Variants in VPS4A observed in about 807,000 individuals in gnomAD.
The protein encoded by VPS4A is vacuolar protein sorting 4 homolog A.
VPS4A carries 20 observed loss-of-function variants against 52.3 expected under a neutral mutation model. The ratio of observed to expected loss-of-function variants is 0.38; its 90% CI spans 0.27 to 0.56. The LOEUF (loss-of-function observed/expected upper bound fraction) is 0.56. VPS4A is among the 20% of genes least tolerant of loss of function. VPS4A has a pLI of 0.72. For synonymous variants in VPS4A, 293 were observed against 227.7 expected (o/e 1.29, Z -2.58); for missense variants, 419 against 575.9 (o/e 0.73, Z 2.79).
chr16:69,324,682 G>A lies in VPS4A; in HGVS notation c.*373G>A, dbSNP rs1965562245. 1 of 214,310 alleles carries A rather than the reference G, an allele frequency of 4.7e-6. No homozygotes were observed. The highest frequency in any genetic ancestry group is 9.8e-6 in the Non-Finnish European group (1 of 102,430). 13.3% of individuals were successfully genotyped at this position (214,310 alleles called of 1,614,324 possible). A position where few individuals can be genotyped will look rare whatever the true frequency, so the allele number is the denominator to read the frequency against. ...CAAGGAGTGGGGCGGGGTGGCGGGG[G>A]AGAAGCAGCCGTGCTGCCAGGTCAC... is the stretch of plus-strand genomic sequence containing the variant. On this transcript the variant is annotated 3_prime_UTR_variant, in exon 11 of 11. Transcript: ENST00000254950.
chr16:69,323,787 T>TA (rs1965544482), intron 10 of VPS4A: 2 of 386,894 alleles, frequency 5.2e-6, no homozygotes, highest in South Asian at 1.9e-5. Flanking sequence ...CCGTCTCTGC[T>TA]AAAAATACAA....
intron 1 of VPS4A, among the ~76,000 whole-genome samples, chr16:69,312,611 TTTTA>T (rs771697311): frequency 6.6e-4 from 101 of 152,248 alleles, no homozygotes; most frequent in East Asian, 5.8e-3. Flanking sequence ...TATTTTTAAA[TTTTA>T]TTTATTTATT....
chr16:69,323,944 CAAAAAAAAA>C (rs373024058), intron 10 of VPS4A, among the ~76,000 whole-genome samples: 6 of 99,526 alleles, frequency 6.0e-5, no homozygotes, highest in East Asian at 7.8e-4. Context: ...ACTCCGTCTC[CAAAAAAAAA>C]AAAAAAAAAA....
Position 69,324,356 on chromosome 16 carries a change from C to T in VPS4A, c.*47C>T, listed in dbSNP as rs1203910904. 1.3e-6 allele frequency: 2 copies of T among 1,568,646 alleles called. No homozygotes were observed. Among genetic ancestry groups the T allele is most frequent in the Non-Finnish European group, 1.7e-6 (2 of 1,145,942 alleles). ...GGTGAAGGTGGGAGGTTGATTGGGG[C>T]AAATCCAGGCACTCCCCATGTCAAC... On this transcript the variant is annotated 3_prime_UTR_variant, in exon 11 of 11. Transcript: ENST00000254950.
At chr16:69,323,485 A>G (rs1203185851) in intron 10 of VPS4A, 2 of 348,720 alleles carry the variant, frequency 5.7e-6, no homozygotes, top group African/African-American at 4.3e-5. Flanking sequence ...AAGTAAAGTC[A>G]GGTCCAGATA....
Position 69,320,885 on chromosome 16 carries a change from CTGCCTGCCAAGCAGAGCCCTT to C in VPS4A, c.851+119_851+139del. On this transcript the variant is annotated intron_variant, in intron 8 of 10. Coordinates refer to ENST00000254950, the MANE Select transcript of VPS4A (RefSeq NM_013245.3). The surrounding 1 kb of genome is among the most constrained non-coding windows in gnomAD (Gnocchi z 4.2). Reference sequence around the variant, plus strand: ...CCCCTTTTCCCTGGAGTCTTCCCGTCTGCCTGCCAAGCAGAGCCCTTTGTGAGGCTGGCTTGTTGAGGATGT... The same window carrying C: ...CCCCTTTTCCCTGGAGTCTTCCCGTCTGTGAGGCTGGCTTGTTGAGGATGT... The C allele has an allele frequency of 7.9e-7, 1 of 1,269,700 alleles. No individual in the cohort carries two copies. The allele number at this position is 1,269,700 out of a possible 1,614,324, so 78.7% of individuals were successfully genotyped here.
At chr16:69,319,077 T>C in intron 5 of VPS4A, 135 bp downstream of exon 5, 1 of 1,307,222 alleles carries the variant, frequency 7.6e-7, no homozygotes, top group Non-Finnish European at 1.0e-6. Flanking sequence ...TGCTCGCTGG[T>C]GTCCACAACA....
intron 3 of VPS4A, among the ~76,000 whole-genome samples, chr16:69,318,007 C>CTT (rs71148992): frequency 2.4e-5 from 3 of 125,950 alleles, no homozygotes; most frequent in South Asian, 4.9e-4. Context: ...GTTTGACTGG[C>CTT]TTTTTTTTTT....
rs936329303 is a variant in VPS4A at position 69,321,760 on chromosome 16, G to A, written c.1071+490G>A. The A allele has an allele frequency of 5.4e-6, 1 of 184,870 alleles. No individual in the cohort carries two copies. The highest frequency in any genetic ancestry group is 2.4e-5 in the African/African-American group (1 of 42,264). The allele number at this position is 184,870 out of a possible 1,614,324, so 11.5% of individuals were successfully genotyped here. On this transcript the variant is annotated intron_variant, in intron 9 of 10. Coordinates refer to ENST00000254950, the MANE Select transcript of VPS4A (RefSeq NM_013245.3). This position sits in a 1 kb window ranked among gnomAD's most constrained non-coding sequence, Gnocchi z 4.5. ...TGTTGGTGGGGAGACAGTCAACACA[G>A]TCAGTGAGTGTCTCAGAGGATGGAG...
chr16:69,324,751 T>G lies in VPS4A; in HGVS notation c.*442T>G, dbSNP rs1965564003. On this transcript the variant is annotated 3_prime_UTR_variant, in exon 11 of 11. Coordinates refer to ENST00000254950, the MANE Select transcript of VPS4A (RefSeq NM_013245.3). ...GGCTAGCCCCACTGCCCGTTCCTTT[T>G]ACGCCCAAGTTTTGCTCCTTGAGAG... 1 of 189,786 alleles carries G rather than the reference T, an allele frequency of 5.3e-6. No homozygotes were observed. The highest frequency in any genetic ancestry group is 2.3e-5 in the African/African-American group (1 of 43,388). The allele number at this position is 189,786 out of a possible 1,614,324, so 11.8% of individuals were successfully genotyped here. A position where few individuals can be genotyped will look rare whatever the true frequency, so the allele number is the denominator to read the frequency against.
chr16:69,318,595 A>G (rs1597212826), intron 3 of VPS4A, 55 bp from the exon 4 acceptor site: 1 of 1,561,000 alleles, frequency 6.4e-7, no homozygotes, highest in Non-Finnish European at 8.7e-7. Context: ...TGCTGGGAGC[A>G]CCTCTGTGCT....
In VPS4A at chr16:69,318,194, A is replaced by G. The variant is rs552459409; in HGVS notation, c.282-456A>G. ...CTCGCTGTTTCCCAGGCTGGTCTCA[A>G]ACTCCTGGGCTCAAGCGATCCTCCC... On this transcript the variant is annotated intron_variant, in intron 3 of 10. Transcript: ENST00000254950. Among the ~76,000 whole-genome samples, 197 of 152,164 alleles carry G rather than the reference A, an allele frequency of 1.3e-3. 1 individual carries two copies. Among genetic ancestry groups the G allele is most frequent in the Admixed American group, 3.1e-3 (48 of 15,288 alleles).
chr16:69,313,718 T>TA (rs1278991207), intron 1 of VPS4A, among the ~76,000 whole-genome samples: 1 of 152,314 alleles, frequency 6.6e-6, no homozygotes, highest in East Asian at 1.9e-4. Flanking sequence ...GCCATCAAGG[T>TA]AGAGTTGAGT....
chr16:69,318,852 C>G lies in VPS4A; in HGVS notation c.373C>G (p.Arg125Gly). The G allele has an allele frequency of 6.2e-7, 1 of 1,613,560 alleles. No individual in the cohort carries two copies. Among genetic ancestry groups the G allele is most frequent in the Non-Finnish European group, 8.5e-7 (1 of 1,179,738 alleles). Reference sequence around the variant, plus strand: ...CGTCGTGATGGAGAAGCCCAACATACGGTGGAACGACGTGGCCGGGCTGGA... The same window carrying G: ...CGTCGTGATGGAGAAGCCCAACATAGGGTGGAACGACGTGGCCGGGCTGGA... ...GAVVMEKPNI[R>G]WNDVAGLEGA... The change falls in exon 5 of 11, where the codon CGG becomes GGG. Residue 125 changes from arginine to glycine, a missense_variant. Around this residue, in one of 3 missense-constraint regions of VPS4A, gnomAD observed 131 missense variants for 165.4 expected, o/e 0.79. Transcript: ENST00000254950.
chr16:69,321,473 G>GA lies in VPS4A; in HGVS notation c.1071+203_1071+204insA. The GA allele has an allele frequency of 1.6e-6, 1 of 622,746 alleles. No homozygotes were observed. The highest frequency in any genetic ancestry group is 2.0e-5 in the South Asian group (1 of 50,802). 38.6% of individuals were successfully genotyped at this position (622,746 alleles called of 1,614,324 possible). On this transcript the variant is annotated intron_variant, in intron 9 of 10. Transcript: ENST00000254950. This position sits in a 1 kb window ranked among gnomAD's most constrained non-coding sequence, Gnocchi z 4.5. ...CTCTTCTGGAGTGTGGCCATCTCAGGGTGTGTGAAAGCAGAGGACAGGGCC... is the reference window on the plus strand; with the variant it reads ...CTCTTCTGGAGTGTGGCCATCTCAGGAGTGTGTGAAAGCAGAGGACAGGGCC...
chr16:69,320,993 TC>T lies in VPS4A; in HGVS notation c.852-56del. The T allele has an allele frequency of 6.6e-7, 1 of 1,510,040 alleles. No individual in the cohort carries two copies. The highest frequency in any genetic ancestry group is 9.0e-7 in the Non-Finnish European group (1 of 1,110,374). 93.5% of individuals were successfully genotyped at this position (1,510,040 alleles called of 1,614,324 possible). On this transcript the variant is annotated intron_variant, in intron 8 of 10. Transcript: ENST00000254950. The surrounding 1 kb of genome is among the most constrained non-coding windows in gnomAD (Gnocchi z 4.2). ...TCACTCAAATCTTCGTGCCTCCCCT[TC>T]CGTGAATACCATTCCATCATCCGCT...
chr16:69,326,320 C>CAA lies in VPS4A; in HGVS notation c.*2012_*2013dup, dbSNP rs1006548117. ...GCTCCAGTGCTGGCAGGTTACCCCT[C>CAA]AACCATAGCAGCTGGGATCTTTGTG... is the stretch of plus-strand genomic sequence containing the variant. On this transcript the variant is annotated 3_prime_UTR_variant, in exon 11 of 11. Coordinates refer to ENST00000254950, the MANE Select transcript of VPS4A (RefSeq NM_013245.3). The CAA allele has an allele frequency of 2.9e-4, 44 of 152,352 alleles. No individual in the cohort carries two copies. The highest frequency in any genetic ancestry group is 9.9e-4 in the African/African-American group (41 of 41,582). 9.4% of individuals were successfully genotyped at this position (152,352 alleles called of 1,614,324 possible).
At position 69,319,348 on chromosome 16, in the gene VPS4A, CCA is replaced by C. The variant is rs746266058; in HGVS notation, c.464-38_464-37del. 4 of 1,609,194 alleles carry C rather than the reference CCA, an allele frequency of 2.5e-6. No individual in the cohort carries two copies. The East Asian group carries it at 6.7e-5, about 27-fold the overall frequency. On this transcript the variant is annotated intron_variant, in intron 5 of 10. Coordinates refer to ENST00000254950, the MANE Select transcript of VPS4A (RefSeq NM_013245.3). ...CCCTCTGCTTTTCCTATTCCTTTCC[CCA>C]GTCAGGAGGCCTAACTTCTGTGGTT...
chr16:69,315,291 C>A (rs1437377075), intron 1 of VPS4A, among the ~76,000 whole-genome samples: 1 of 152,222 alleles, frequency 6.6e-6, no homozygotes, highest in Non-Finnish European at 1.5e-5. Flanking sequence ...CAAAGACACT[C>A]ATTCTCACAG....
Sources: gnomAD v4.1 joint callset for allele counts (sites outside exome capture counted in the v4.1 genomes callset) on GRCh38, gnomAD v4.1.1 for gene constraint, gnomAD v4.1.1 regional missense constraint, Gnocchi (gnomAD v3.1) non-coding constraint, MANE v1.5 for transcripts, NCBI Gene and HGNC (gene_info 2026-07-23, HGNC 2026-07-21) for gene names.